PRRC2B: variants seen among roughly 807,000 people sequenced by gnomAD.
The protein encoded by PRRC2B is proline rich coiled-coil 2B.
Under a neutral mutation model 242.3 loss-of-function variants are expected in PRRC2B, and 68 were observed. The ratio of observed to expected loss-of-function variants is 0.28; its 90% confidence interval spans 0.23 to 0.34. The LOEUF is 0.34. Among genes scored for constraint, PRRC2B ranks in the 10% least tolerant of loss-of-function variants. The pLI is 1.00. For synonymous variants in PRRC2B, 1,228 were observed against 1,173.6 expected (o/e 1.05, Z -0.95); for missense variants, 2,835 against 2,954.8 (o/e 0.96, Z 0.94).
rs970780948 is a variant in PRRC2B at position 131,496,083 on chromosome 9, G to A, written c.*209G>A. On this transcript the variant is annotated 3_prime_UTR_variant, in exon 32 of 32. Transcript: ENST00000683519. ...GGCATTGACCCGCTTGCTTTGATAC[G>A]AAACAAAAAAGCAGACGACTCCTTC... 4.8e-6 allele frequency: 3 copies of A among 624,306 alleles called. No homozygotes were observed. Among genetic ancestry groups the A allele is most frequent in the African/African-American group, 1.8e-5 (1 of 54,332 alleles). The allele number at this position is 624,306 out of a possible 1,614,324, so 38.7% of individuals were successfully genotyped here.
intron 5 of PRRC2B, among the ~76,000 whole-genome samples, chr9:131,439,807 C>T (rs543707135): frequency 6.6e-6 from 1 of 152,122 alleles, no homozygotes; most frequent in African/African-American, 2.4e-5. Flanking sequence ...AATTATAGCC[C>T]ATTGCAGCCT....
chr9:131,422,510 C>A (rs375980618), intron 1 of PRRC2B, among the ~76,000 whole-genome samples: 43 of 152,358 alleles, frequency 2.8e-4, no homozygotes, highest in African/African-American at 9.9e-4. Flanking sequence ...GGCCACTGAT[C>A]TCCCCTGAAT....
At position 131,493,219 on chromosome 9, in the gene PRRC2B, G is replaced by A. The variant is rs151192472; in HGVS notation, c.6473+959G>A. Among the ~76,000 whole-genome samples, 396 of 152,332 alleles carry A rather than the reference G, an allele frequency of 2.6e-3. 9 individuals are homozygous for A. The highest frequency in any genetic ancestry group is 0.023 in the Admixed American group (347 of 15,306). Reference sequence around the variant, plus strand: ...TCTTGTACCTTCATTTCCAGAGAAAGGGGTTTTTGTAGATTTTCCTCCCAT... The same window carrying A: ...TCTTGTACCTTCATTTCCAGAGAAAAGGGTTTTTGTAGATTTTCCTCCCAT... On this transcript the variant is annotated intron_variant, in intron 30 of 31. Coordinates refer to ENST00000683519, the MANE Select transcript of PRRC2B (RefSeq NM_013318.4).
chr9:131,442,183 AG>A (rs1838614823), intron 5 of PRRC2B, among the ~76,000 whole-genome samples: 1 of 150,544 alleles, frequency 6.6e-6, no homozygotes, highest in Non-Finnish European at 1.5e-5. Flanking sequence ...CCCAGGCTGG[AG>A]TGCAGTAGTG....
In PRRC2B at chr9:131,495,985, C is replaced by T; in HGVS notation, c.*111C>T. 6.9e-7 allele frequency: 1 copy of T among 1,443,680 alleles called. No individual in the cohort carries two copies. The highest frequency in any genetic ancestry group is 1.3e-5 in the South Asian group (1 of 77,198). The allele number at this position is 1,443,680 out of a possible 1,614,324, so 89.4% of individuals were successfully genotyped here. On this transcript the variant is annotated 3_prime_UTR_variant, in exon 32 of 32. Coordinates refer to ENST00000683519, the MANE Select transcript of PRRC2B (RefSeq NM_013318.4). ...CAGATCCACCGTCCAAATGCGTGGC[C>T]CAGACTGAGAGACCTCCCTCCTCTC...
intron 9 of PRRC2B, among the ~76,000 whole-genome samples, chr9:131,448,679 C>T (rs964976605): frequency 4.0e-5 from 6 of 151,684 alleles, no homozygotes; most frequent in Non-Finnish European, 7.4e-5. Context: ...CCTCAGCCTC[C>T]GGAGTAGCTG....
rs575682313 is a variant in PRRC2B at position 131,497,818 on chromosome 9, C to G, written c.*1944C>G. The G allele has an allele frequency of 6.6e-6, 1 of 152,462 alleles. No individual in the cohort carries two copies. Among genetic ancestry groups the G allele is most frequent in the Admixed American group, 6.5e-5 (1 of 15,302 alleles). The allele number at this position is 152,462 out of a possible 1,614,324, so 9.4% of individuals were successfully genotyped here. On this transcript the variant is annotated 3_prime_UTR_variant, in exon 32 of 32. Transcript: ENST00000683519. ...GTCCCTTCCCCAGGGGCTGCCCACCCGACAGTTCCAGGCATTCCCTACCTG... is the reference window on the plus strand; with the variant it reads ...GTCCCTTCCCCAGGGGCTGCCCACCGGACAGTTCCAGGCATTCCCTACCTG...
rs766432428 is a variant in PRRC2B, at chr9:131,447,688, G to A, written c.1004G>A (p.Arg335His). ...AAAGAAAACAGGCTGGGATTGTCTC[G>A]CCCACTCCGCCCACTAAGGCAGCTG... The part of the protein sequence containing the change: ...DGKENRLGLS[R>H]PLRPLRQLVE... Residue 335 changes from arginine to histidine, a missense_variant, in exon 9 of 32, where the codon CGC (arginine) becomes CAC (histidine). By Grantham distance (29) the Arg-to-His change is conservative (BLOSUM62 0). Around this residue, in one of 7 missense-constraint regions of PRRC2B, gnomAD observed 626 missense variants for 685.5 expected, o/e 0.91. Transcript: ENST00000683519. The A allele has an allele frequency of 1.2e-5, 19 of 1,607,936 alleles. No individual in the cohort carries two copies. The highest frequency in any genetic ancestry group is 2.7e-5 in the African/African-American group (2 of 74,696).
chr9:131,373,903 C>A (rs892730537), intron 1 of PRRC2B, among the ~76,000 whole-genome samples: 1 of 152,124 alleles, frequency 6.6e-6, no homozygotes, highest in African/African-American at 2.4e-5. Context: ...ACTAAAAATA[C>A]AAAAGATTAG....
chr9:131,463,142 G>T (rs1457722596), intron 11 of PRRC2B, among the ~76,000 whole-genome samples: 1 of 152,090 alleles, frequency 6.6e-6, no homozygotes, highest in African/African-American at 2.4e-5. Context: ...AGACCCTCAG[G>T]TTCGATGGCA....
In PRRC2B at chr9:131,477,840, T is replaced by C. The variant is rs749417665; in HGVS notation, c.4503T>C (p.Ala1501=). The C allele has an allele frequency of 7.4e-6, 12 of 1,613,586 alleles. No homozygotes were observed. Among genetic ancestry groups the C allele is most frequent in the Admixed American group, 1.7e-5 (1 of 60,000 alleles). ...TGGAGCGGGCAGCCCATGCCAGTGC[T>C]GACCTTCCCGAAGCCTCCAGTAAAA... ...YALERAAHAS[A]DLPEASSKKA... is the part of the protein sequence containing the mutation. The change falls in exon 17 of 32, where the codon GCT becomes GCC. Residue 1501 remains alanine, a synonymous_variant. Coordinates refer to ENST00000683519, the MANE Select transcript of PRRC2B (RefSeq NM_013318.4).
chr9:131,459,149 T>C lies in PRRC2B; in HGVS notation c.1212-15T>C, dbSNP rs751153653. 2 of 1,607,076 alleles carry C rather than the reference T, an allele frequency of 1.2e-6. No homozygotes were observed. Among genetic ancestry groups the C allele is most frequent in the Non-Finnish European group, 1.7e-6 (2 of 1,174,468 alleles). On this transcript the variant is annotated splice_polypyrimidine_tract_variant and intron_variant, in intron 10 of 31. Transcript: ENST00000683519. ...CTGAGTGCAAAAACTTAACATCAAA[T>C]GTGGTTTGTCCTAGGAACAGTTGGG...
chr9:131,456,652 C>A (rs62582248), intron 10 of PRRC2B, among the ~76,000 whole-genome samples: 1 of 151,490 alleles, frequency 6.6e-6, no homozygotes, highest in African/African-American at 2.4e-5. Context: ...AAAAAAAATA[C>A]CCCACAATTA....
At chr9:131,391,996 C>T (rs529487175), upstream of PRRC2B, among the ~76,000 whole-genome samples, 76 of 152,206 alleles carry the variant, frequency 5.0e-4, no homozygotes, top group African/African-American at 1.6e-3. Flanking sequence ...CTGCCTCGGC[C>T]TCCCAAAGTG....
rs141775191 is a variant in PRRC2B, at chr9:131,425,784, G to A, written c.-51-4310G>A. ...ATTACAGGCGTGAGCCACCATGCCT[G>A]GCCCCCGAGGACTTTTTAAGTAATA... is the stretch of plus-strand genomic sequence containing the variant. On this transcript the variant is annotated intron_variant, in intron 1 of 31. Coordinates refer to ENST00000683519, the MANE Select transcript of PRRC2B (RefSeq NM_013318.4). Among the ~76,000 whole-genome samples the A allele has an allele frequency of 1.8e-3, 275 of 151,840 alleles. 2 individuals are homozygous for A. Among genetic ancestry groups the A allele is most frequent in the African/African-American group, 6.3e-3 (260 of 41,438 alleles).
intron 11 of PRRC2B, 44 bp downstream of exon 11, chr9:131,459,400 AG>A (rs1943178298): frequency 6.6e-7 from 1 of 1,525,218 alleles, no homozygotes; most frequent in Admixed American, 2.1e-5. Flanking sequence ...TACTTCATTG[AG>A]TTGGGTGGCT....
At chr9:131,430,054 CTCTCTCTTTTTTTTTTTT>C (rs1431206773) in intron 1 of PRRC2B, 22 bp from the exon 2 acceptor site, 1 of 523,360 alleles carries the variant, frequency 1.9e-6, no homozygotes, top group African/African-American at 2.1e-5. Context: ...TTTTTTTTTT[CTCTCTCTTTTTTTTTTTT>C]TCTTCTCTAT....
Position 131,495,827 on chromosome 9 carries a change from G to C in PRRC2B, c.6643G>C (p.Gly2215Arg). The change falls in exon 32 of 32, where the codon GGA becomes CGA. Residue 2215 changes from glycine (G) to arginine (R), a missense_variant. Coordinates refer to ENST00000683519, the MANE Select transcript of PRRC2B (RefSeq NM_013318.4). ...PSAASQMKRT[G>R]AIKPRAVKVE... Reference sequence around the variant, plus strand: ...GGCTGCCTCCCAGATGAAGCGAACCGGAGCGATCAAGCCTCGGGCTGTCAA... The same window carrying C: ...GGCTGCCTCCCAGATGAAGCGAACCCGAGCGATCAAGCCTCGGGCTGTCAA... The C allele has an allele frequency of 6.2e-7, 1 of 1,612,730 alleles. No homozygotes were observed. The highest frequency in any genetic ancestry group is 8.5e-7 in the Non-Finnish European group (1 of 1,178,922).
In PRRC2B at chr9:131,464,848, C is replaced by T; in HGVS notation, c.1490C>T (p.Ser497Leu). 3.1e-6 allele frequency: 5 copies of T among 1,613,826 alleles called. No homozygotes were observed. Among genetic ancestry groups the T allele is most frequent in the Non-Finnish European group, 4.2e-6 (5 of 1,179,856 alleles). ...CCACCAAGGCAGAAGTTCATTCAGT[C>T]AGAGATGTCCGAGGCGGTGGAGCGA... ...KPPPRQKFIQ[S>L]EMSEAVERAR... Residue 497 changes from serine to leucine, a missense_variant, in exon 12 of 32, where the codon TCA becomes TTA. This residue lies in a region of PRRC2B where 626 missense variants were observed against 685.5 expected (regional missense o/e 0.91). Transcript: ENST00000683519.
Sources: allele counts gnomAD v4.1 joint callset (sites outside exome capture counted in the v4.1 genomes callset), GRCh38; gene constraint gnomAD v4.1.1; regional missense constraint gnomAD v4.1.1; transcripts MANE v1.5; gene names NCBI Gene and HGNC (gene_info 2026-07-23, HGNC 2026-07-21).